The following TRAPPC13 variants were observed in gnomAD, a reference collection of about 807,000 sequenced individuals.
TRAPPC13 encodes the protein REV7-interacting novel NHEJ regulator 1.
Under a neutral mutation model 54.0 loss-of-function variants are expected in TRAPPC13, and 39 were observed. The ratio of observed to expected loss-of-function variants is 0.72; its 90% CI spans 0.56 to 0.94. The LOEUF is 0.94. Among genes scored for constraint, TRAPPC13 ranks in the 40% least tolerant of loss-of-function variants. The pLI is 0.00. For missense variants in TRAPPC13, 386 were observed against 488.1 expected, an observed-to-expected ratio of 0.79 and a Z score of 1.97; for synonymous variants, 148 against 167.7, an observed-to-expected ratio of 0.88 and a Z score of 0.91.
intron 4 of TRAPPC13, among the ~76,000 whole-genome samples, chr5:65,643,593 C>T (rs1304917368): frequency 1.3e-5 from 2 of 151,632 alleles, no homozygotes; most frequent in African/African-American, 4.8e-5. Context: ...CCGAGGCGGG[C>T]GGATCACAAG....
At chr5:65,628,845 A>T (rs1161107821) in intron 1 of TRAPPC13, among the ~76,000 whole-genome samples, 6 of 149,904 alleles carry the variant, frequency 4.0e-5, no homozygotes, top group African/African-American at 1.5e-4. Flanking sequence ...TTTTAATGAG[A>T]TGAAGTCTTG....
chr5:65,627,150 A>AAAAAAAAAAAAAAAAAAAAAAAAC (rs1755279062), intron 1 of TRAPPC13, among the ~76,000 whole-genome samples: 1 of 149,914 alleles, frequency 6.7e-6, no homozygotes, highest in Non-Finnish European at 1.5e-5. Flanking sequence ...AAAAAAAAAA[A>AAAAAAAAAAAAAAAAAAAAAAAAC]AAAAAAAGAA....
intron 4 of TRAPPC13, among the ~76,000 whole-genome samples, chr5:65,643,209 C>T (rs1756036630): frequency 6.6e-6 from 1 of 151,384 alleles, no homozygotes; most frequent in African/African-American, 2.4e-5. Flanking sequence ...AGTTTTATTA[C>T]ATTCCAATCA....
chr5:65,630,740 C>T, intron 1 of TRAPPC13: 1 of 905,544 alleles, frequency 1.1e-6, no homozygotes, highest in African/African-American at 1.8e-5. Flanking sequence ...GAATGTAGTT[C>T]AAAGTGGGAG....
intron 5 of TRAPPC13, among the ~76,000 whole-genome samples, 200 bp from the exon 6 acceptor site, chr5:65,650,610 T>C (rs1301799874): frequency 1.3e-5 from 2 of 152,242 alleles, no homozygotes; most frequent in African/African-American, 4.8e-5. Context: ...AAAAATGTTA[T>C]ATCTCATTTT....
intron 4 of TRAPPC13, among the ~76,000 whole-genome samples, chr5:65,640,011 A>G (rs1755904415): frequency 6.6e-6 from 1 of 152,216 alleles, no homozygotes; most frequent in Non-Finnish European, 1.5e-5. Flanking sequence ...GACGTTAGAG[A>G]GCAAATAGAC....
rs769595218 is a variant in TRAPPC13, at chr5:65,652,541, C to A, written c.542C>A (p.Ala181Glu). 6.2e-7 allele frequency: 1 copy of A among 1,605,742 alleles called. No individual in the cohort carries two copies. Among genetic ancestry groups the A allele is most frequent in the Non-Finnish European group, 8.5e-7 (1 of 1,173,068 alleles). Residue 181 changes from alanine (A) to glutamate (E), a missense_variant, in exon 7 of 13, where the codon GCA (alanine) becomes GAA (glutamate). Ala to Glu is a moderately radical substitution (Grantham distance 107). Coordinates refer to ENST00000399438, the MANE Select transcript of TRAPPC13 (RefSeq NM_024941.4). ...GATGTGAAAACCAAATTTTACAATG[C>A]AGAGGTAAGTGTTGAGTGTTTAATG... ...PLDVKTKFYN[A>E]ESDLSSVTDE... is the part of the protein sequence containing the mutation.
intron 9 of TRAPPC13, among the ~76,000 whole-genome samples, chr5:65,659,931 C>G (rs1479757378): frequency 2.1e-5 from 3 of 143,454 alleles, no homozygotes; most frequent in African/African-American, 7.8e-5. Flanking sequence ...CCACTGTACT[C>G]CAGCCTGGTG....
chr5:65,658,968 C>T (rs917220717), intron 9 of TRAPPC13, among the ~76,000 whole-genome samples: 2 of 152,108 alleles, frequency 1.3e-5, no homozygotes, highest in African/African-American at 4.8e-5. Flanking sequence ...GATCTGCCCA[C>T]CTTATCCTCC....
chr5:65,649,122 G>A (rs1272076101), intron 5 of TRAPPC13, among the ~76,000 whole-genome samples: 4 of 152,090 alleles, frequency 2.6e-5, no homozygotes, highest in African/African-American at 9.7e-5. Flanking sequence ...AGACTGAGGC[G>A]GGAGGATTGC....
At chr5:65,642,564 TTTA>T (rs1197777297) in intron 4 of TRAPPC13, among the ~76,000 whole-genome samples, 4 of 152,148 alleles carry the variant, frequency 2.6e-5, no homozygotes, top group Non-Finnish European at 4.4e-5. Context: ...AGCTAGGAAT[TTTA>T]TTCTTTTATT....
chr5:65,627,669 CTT>C (rs1254231327), intron 1 of TRAPPC13, among the ~76,000 whole-genome samples: 1 of 151,198 alleles, frequency 6.6e-6, no homozygotes, highest in Non-Finnish European at 1.5e-5. Flanking sequence ...CACTGATTGA[CTT>C]TAGACAACAA....
Position 65,652,547 on chromosome 5 carries a change from T to A in TRAPPC13, c.546+2T>A. On this transcript the variant is annotated splice_donor_variant, in intron 7 of 12. Coordinates refer to ENST00000399438, the MANE Select transcript of TRAPPC13 (RefSeq NM_024941.4). LOFTEE classifies it high-confidence loss of function. ...AAAACCAAATTTTACAATGCAGAGG[T>A]AAGTGTTGAGTGTTTAATGGGATTT... is the stretch of plus-strand genomic sequence containing the variant. 1 of 1,603,414 alleles carries A rather than the reference T, an allele frequency of 6.2e-7. No individual in the cohort carries two copies. The highest frequency in any genetic ancestry group is 8.5e-7 in the Non-Finnish European group (1 of 1,171,010).
At chr5:65,637,023 C>T (rs1314652093) in intron 3 of TRAPPC13, among the ~76,000 whole-genome samples, 5 of 152,176 alleles carry the variant, frequency 3.3e-5, no homozygotes, top group African/African-American at 1.2e-4. Flanking sequence ...TAGATCTCTT[C>T]TAGATTCAGG....
At chr5:65,651,871 T>G (rs1324585239) in intron 6 of TRAPPC13, among the ~76,000 whole-genome samples, 1 of 71,080 alleles carries the variant, frequency 1.4e-5, no homozygotes, top group Non-Finnish European at 2.9e-5. Context: ...TTTTTTTTTT[T>G]TTTTTTTTTG....
chr5:65,641,766 C>T (rs1207776960), intron 4 of TRAPPC13, among the ~76,000 whole-genome samples: 2 of 150,686 alleles, frequency 1.3e-5, no homozygotes, highest in East Asian at 3.9e-4. Context: ...AACTGTGGAT[C>T]ATTTAGATTA....
chr5:65,639,049 A>G (rs1001688975), intron 4 of TRAPPC13, among the ~76,000 whole-genome samples: 3 of 152,174 alleles, frequency 2.0e-5, no homozygotes, highest in Admixed American at 6.5e-5. Flanking sequence ...GTGCCACTGC[A>G]CTCCAGGCTG....
rs138030232 is a variant in TRAPPC13, at chr5:65,659,257, T to C, written c.698+756T>C. 2.2e-4 allele frequency among the ~76,000 whole-genome samples: 34 copies of C among 152,342 alleles called. No homozygotes were observed. The East Asian group carries it at 5.2e-3, about 23-fold the overall frequency. Reference sequence around the variant, plus strand: ...TATCTGGGACTATAGTCAAGCACTGTAGGTTTTGACAAATATATAACATGT... The same window carrying C: ...TATCTGGGACTATAGTCAAGCACTGCAGGTTTTGACAAATATATAACATGT... On this transcript the variant is annotated intron_variant, in intron 9 of 12. Coordinates refer to ENST00000399438, the MANE Select transcript of TRAPPC13 (RefSeq NM_024941.4).
chr5:65,645,198 C>CAA (rs71610504), intron 4 of TRAPPC13, among the ~76,000 whole-genome samples: 4 of 108,772 alleles, frequency 3.7e-5, no homozygotes, highest in Non-Finnish European at 3.6e-5. Flanking sequence ...AACTCTGTCT[C>CAA]AAAAAAAAAA....
Sources: allele counts gnomAD v4.1 joint callset (sites outside exome capture counted in the v4.1 genomes callset), GRCh38; gene constraint gnomAD v4.1.1; transcripts MANE v1.5; gene names NCBI Gene and HGNC (gene_info 2026-07-23, HGNC 2026-07-21).